KIDINS220: variants seen among roughly 807,000 people sequenced by gnomAD.
KIDINS220 encodes kinase D interacting substrate 220, also known as kinase D-interacting substrate of 220 kDa.
Under a neutral mutation model 157.6 loss-of-function variants are expected in KIDINS220, and 63 were observed. The ratio of observed to expected loss-of-function variants is 0.40; its 90% CI spans 0.33 to 0.49. The LOEUF is 0.49. KIDINS220 is among the 20% of genes least tolerant of loss of function. KIDINS220 has a pLI of 0.66. For synonymous variants in KIDINS220, 732 were observed against 783.6 expected (o/e 0.93, Z 1.10); for missense variants, 1,772 against 2,171.2 (o/e 0.82, Z 3.65).
chr2:8,793,811 G>A lies in KIDINS220; in HGVS notation c.1275C>T (p.Ala425=), dbSNP rs769095151. The change falls in exon 12 of 30, where the codon GCC becomes GCT. Residue 425 remains alanine (A), a splice_region_variant and synonymous_variant. Coordinates refer to ENST00000256707, the MANE Select transcript of KIDINS220 (RefSeq NM_020738.4). ...QKSILTQIFG[A]RHLSPTETDG... ...TTAGGAGCAAAACTCAATACTTACT[G>A]GCTCCAAATATTTGAGTTAAAATAC... is the stretch of plus-strand genomic sequence containing the variant. The A allele has an allele frequency of 1.3e-6, 2 of 1,587,322 alleles. No individual in the cohort carries two copies. Among genetic ancestry groups the A allele is most frequent in the African/African-American group, 1.4e-5 (1 of 73,302 alleles).
In KIDINS220 at chr2:8,778,631, C is replaced by T. The variant is rs1400794426; in HGVS notation, c.2703+8G>A. 6.3e-7 allele frequency: 1 copy of T among 1,594,546 alleles called. No individual in the cohort carries two copies. The highest frequency in any genetic ancestry group is 8.6e-7 in the Non-Finnish European group (1 of 1,162,202). On this transcript the variant is annotated splice_region_variant and intron_variant, in intron 20 of 29. Coordinates refer to ENST00000256707, the MANE Select transcript of KIDINS220 (RefSeq NM_020738.4). ...CAAACATACAGCTCGAAGCCAATGG[C>T]ATCTTACCCGTCTATTGAGGGCTGT... is the stretch of plus-strand genomic sequence containing the variant.
In KIDINS220 at chr2:8,748,037, T is replaced by G. The variant is rs367845055; in HGVS notation, c.3415-37A>C. On this transcript the variant is annotated intron_variant, in intron 24 of 29. Transcript: ENST00000256707. ...CATGTAACAAAAAAGGGGTAAACAA[T>G]TACAGAAATGAAAGTGTAATGAGAT... 2.5e-6 allele frequency: 3 copies of G among 1,216,396 alleles called. No individual in the cohort carries two copies. In the African/African-American group the frequency reaches 4.7e-5, roughly 19 times the overall value. 75.4% of individuals were successfully genotyped at this position (1,216,396 alleles called of 1,614,324 possible). A position where few individuals can be genotyped will look rare whatever the true frequency, so the allele number is the denominator to read the frequency against.
At chr2:8,746,712 TTA>T (rs1666634922) in intron 26 of KIDINS220, 1 of 157,906 alleles carries the variant, frequency 6.3e-6, no homozygotes, top group Non-Finnish European at 1.4e-5. Flanking sequence ...ACCATCTAGC[TTA>T]TGTGTCTTTT....
chr2:8,835,986 G>C (rs1298077803), intron 1 of KIDINS220, among the ~76,000 whole-genome samples: 1 of 152,116 alleles, frequency 6.6e-6, no homozygotes, highest in East Asian at 1.9e-4. Flanking sequence ...GGAATCACCA[G>C]ACAGTACACA....
In KIDINS220 at chr2:8,729,789, C is replaced by T. The variant is rs1343705547; in HGVS notation, c.*931G>A. On this transcript the variant is annotated 3_prime_UTR_variant, in exon 30 of 30. Coordinates refer to ENST00000256707, the MANE Select transcript of KIDINS220 (RefSeq NM_020738.4). The stretch of plus-strand genomic sequence containing the variant: ...CTTGTCATTTATCAATTGTCACTGA[C>T]CTTTTTGATGTAATTATTTCCTCAT... 3.1e-6 allele frequency: 3 copies of T among 982,086 alleles called. No individual in the cohort carries two copies. Among genetic ancestry groups the T allele is most frequent in the Non-Finnish European group, 3.6e-6 (3 of 826,928 alleles). 60.8% of individuals were successfully genotyped at this position (982,086 alleles called of 1,614,324 possible).
intron 17 of KIDINS220, among the ~76,000 whole-genome samples, chr2:8,785,126 T>A (rs1021864433): frequency 1.3e-5 from 2 of 152,200 alleles, no homozygotes; most frequent in Non-Finnish European, 2.9e-5. Context: ...CTTAAATGCA[T>A]ATGACTACGT....
At chr2:8,797,761 A>G (rs1290356986) in intron 10 of KIDINS220, among the ~76,000 whole-genome samples, 6 of 152,238 alleles carry the variant, frequency 3.9e-5, no homozygotes, top group African/African-American at 1.4e-4. Flanking sequence ...AATTTGAGTA[A>G]AACAGTTGAA....
intron 1 of KIDINS220, among the ~76,000 whole-genome samples, chr2:8,834,738 A>G (rs1301278936): frequency 6.6e-6 from 1 of 152,088 alleles, no homozygotes; most frequent in Non-Finnish European, 1.5e-5. Context: ...GCCTGACCCA[A>G]CTTTAACATT....
At chr2:8,803,327 GA>G (rs1674990687) in intron 7 of KIDINS220, among the ~76,000 whole-genome samples, 200 bp from the exon 8 acceptor site, 1 of 152,010 alleles carries the variant, frequency 6.6e-6, no homozygotes, top group Admixed American at 6.5e-5. Context: ...TTTTGTTTTT[GA>G]AAATACATTA....
At chr2:8,726,933 G>T, downstream of KIDINS220, 1 of 1,287,924 alleles carries the variant, frequency 7.8e-7, no homozygotes, top group Non-Finnish European at 1.0e-6. Flanking sequence ...CTCAAGGCCA[G>T]CATTTTCTTC....
downstream of KIDINS220, among the ~76,000 whole-genome samples, chr2:8,727,808 G>A (rs1409495595): frequency 6.6e-6 from 1 of 152,182 alleles, no homozygotes; most frequent in Non-Finnish European, 1.5e-5. Flanking sequence ...TATTGAAAAT[G>A]TTGGTTATTA....
chr2:8,754,099 C>A (rs961906369), intron 22 of KIDINS220, among the ~76,000 whole-genome samples: 1 of 152,170 alleles, frequency 6.6e-6, no homozygotes, highest in African/African-American at 2.4e-5. Context: ...AGGAGTTGAA[C>A]ACAAAATACT....
At chr2:8,741,270 A>C (rs569482394) in intron 26 of KIDINS220, among the ~76,000 whole-genome samples, 2 of 152,302 alleles carry the variant, frequency 1.3e-5, no homozygotes, top group Admixed American at 1.3e-4. Flanking sequence ...GCAATCTTTT[A>C]AAAAACACAA....
At position 8,779,114 on chromosome 2, in the gene KIDINS220, G is replaced by A; in HGVS notation, c.2396C>T (p.Pro799Leu). 4 of 1,613,520 alleles carry A rather than the reference G, an allele frequency of 2.5e-6. No individual in the cohort carries two copies. The highest frequency in any genetic ancestry group is 2.2e-5 in the East Asian group (1 of 44,882). ...DTVRVLFSKGPFIAIFASDPH... is the reference protein window; with the variant it reads ...DTVRVLFSKGLFIAIFASDPH... ...ATCACTTGCAAAAATGGCAATGAAC[G>A]GGCCTTTTGAAAACAGAACTCGGAC... Residue 799 changes from proline to leucine, a missense_variant, in exon 19 of 30, where the codon CCG becomes CTG. By Grantham distance (98) the Pro-to-Leu change is moderately conservative. Transcript: ENST00000256707.
chr2:8,822,520 C>G (rs1678138481), intron 2 of KIDINS220, among the ~76,000 whole-genome samples: 1 of 152,080 alleles, frequency 6.6e-6, no homozygotes, highest in African/African-American at 2.4e-5. Context: ...CCTAGCTACT[C>G]AGGTGGCTGA....
intron 21 of KIDINS220, among the ~76,000 whole-genome samples, chr2:8,776,115 T>A (rs1670932218): frequency 6.6e-6 from 1 of 152,180 alleles, no homozygotes; most frequent in South Asian, 2.1e-4. Context: ...AGATACAACC[T>A]CACTTGGAAT....
chr2:8,799,657 G>C (rs1411076823), intron 9 of KIDINS220, among the ~76,000 whole-genome samples: 1 of 152,100 alleles, frequency 6.6e-6, no homozygotes, highest in East Asian at 1.9e-4. Flanking sequence ...GTGTCTTAAA[G>C]ACAAGGGGCC....
intron 1 of KIDINS220, among the ~76,000 whole-genome samples, chr2:8,832,436 A>G (rs1679779293): frequency 6.6e-6 from 1 of 152,236 alleles, no homozygotes; most frequent in African/African-American, 2.4e-5. Context: ...AAAACCAATG[A>G]CACGCTGTCA....
intron 20 of KIDINS220, 143 bp from the exon 21 acceptor site, chr2:8,777,035 T>C: frequency 1.2e-6 from 1 of 810,520 alleles, no homozygotes; most frequent in Non-Finnish European, 1.9e-6. Context: ...TAATAAATTA[T>C]TATCTGTGAG....
Sources: gnomAD v4.1 joint callset for allele counts (sites outside exome capture counted in the v4.1 genomes callset) on GRCh38, gnomAD v4.1.1 for gene constraint, MANE v1.5 for transcripts, NCBI Gene and HGNC (gene_info 2026-07-23, HGNC 2026-07-21) for gene names.